The following CXADR variants were observed in gnomAD, a reference collection of about 807,000 sequenced individuals.
CXADR encodes the protein coxsackievirus and adenovirus receptor.
A neutral mutation model predicts 40.3 loss-of-function variants in CXADR; 20 were observed. The observed-to-expected ratio is 0.50, with a 90% CI of 0.35 to 0.72. The LOEUF (loss-of-function observed/expected upper bound fraction) is 0.72. Ranked by LOEUF, CXADR falls within the 30% of genes least tolerant of loss-of-function variation. The probability of loss-of-function intolerance (pLI) is 0.01; values close to 1 mark genes in which losing one functional copy is unlikely to be tolerated. For synonymous variants in CXADR, 150 were observed against 161.3 expected (o/e 0.93, Z 0.53); for missense variants, 332 against 449.1 (o/e 0.74, Z 2.36).
At position 17,567,234 on chromosome 21, in the gene CXADR, T is replaced by A. The variant is rs965225415; in HGVS notation, c.*1542T>A. The A allele has an allele frequency of 1.0e-6, 1 of 985,330 alleles. No homozygotes were observed. Among genetic ancestry groups the A allele is most frequent in the African/African-American group, 1.7e-5 (1 of 57,238 alleles). 61.0% of individuals were successfully genotyped at this position (985,330 alleles called of 1,614,324 possible). ...GGTGCTGTGGTGGTAAATGCTATAT[T>A]ATGAACGGTGGCATGTATTTACAGT... On this transcript the variant is annotated 3_prime_UTR_variant, in exon 7 of 7. Transcript: ENST00000284878.
Position 17,565,550 on chromosome 21 carries a change from A to G in CXADR, c.956A>G (p.Asn319Ser), listed in dbSNP as rs747210823. 1.2e-6 allele frequency: 2 copies of G among 1,613,730 alleles called. No individual in the cohort carries two copies. Among genetic ancestry groups the G allele is most frequent in the Non-Finnish European group, 8.5e-7 (1 of 1,179,848 alleles). ...GAAGGATATTCCAAGACTCAGTATA[A>G]CCAAGTACCAAGTGAAGACTTTGAA... Reference protein sequence around the residue: ...NMEGYSKTQYNQVPSEDFERT... With the variant: ...NMEGYSKTQYSQVPSEDFERT... Residue 319 changes from asparagine to serine, a missense_variant, in exon 7 of 7, where the codon AAC becomes AGC. Asn to Ser is a conservative substitution (Grantham distance 46). Transcript: ENST00000284878.
At position 17,528,240 on chromosome 21, in the gene CXADR, A is replaced by AT. The variant is rs535239026; in HGVS notation, c.43+15075dup. ...AGGTGCCTGCCACCTCACCCAGCTAATTTTTTTGTATTTTTAGTAAAGACG... is the reference window on the plus strand; with the variant it reads ...AGGTGCCTGCCACCTCACCCAGCTAATTTTTTTTGTATTTTTAGTAAAGACG... On this transcript the variant is annotated intron_variant, in intron 1 of 6. Coordinates refer to ENST00000284878, the MANE Select transcript of CXADR (RefSeq NM_001338.5). Among the ~76,000 whole-genome samples the AT allele has an allele frequency of 2.9e-4, 43 of 150,570 alleles. 1 individual carries two copies. In the South Asian group the frequency reaches 3.8e-3, roughly 13 times the overall value.
intron 1 of CXADR, among the ~76,000 whole-genome samples, chr21:17,545,469 C>G (rs1169092284): frequency 1.3e-5 from 2 of 152,018 alleles, no homozygotes; most frequent in African/African-American, 2.4e-5. Flanking sequence ...CTTTGTCACC[C>G]AGGCTGGAGG....
chr21:17,627,450 T>C, the CXADR span, among the ~76,000 whole-genome samples: 2 of 151,932 alleles, frequency 1.3e-5, no homozygotes, highest in Admixed American at 6.6e-5. Context: ...GATTGAGAGA[T>C]TGATGAAAGA....
intron 1 of CXADR, among the ~76,000 whole-genome samples, chr21:17,520,834 T>A (rs1417271555): frequency 2.0e-5 from 3 of 152,066 alleles, no homozygotes; most frequent in Non-Finnish European, 4.4e-5. Flanking sequence ...CTGGCTTGAG[T>A]GTATAATGAT....
rs187046726 is a variant in CXADR at position 17,516,653 on chromosome 21, C to T, written c.43+3481C>T. 3.4e-3 allele frequency among the ~76,000 whole-genome samples: 512 copies of T among 152,184 alleles called. 2 individuals are homozygous for T. The highest frequency in any genetic ancestry group is 5.2e-3 in the Non-Finnish European group (352 of 68,018). On this transcript the variant is annotated intron_variant, in intron 1 of 6. Transcript: ENST00000284878. ...GCCTCACTGTGTGTCTGTTGCCTTA[C>T]GTGTCAAGAATGGGGATCCTGGAGC...
the CXADR span, among the ~76,000 whole-genome samples, chr21:17,607,108 T>C: frequency 6.6e-6 from 1 of 152,214 alleles, no homozygotes; most frequent in Non-Finnish European, 1.5e-5. Flanking sequence ...CTATTTTTTC[T>C]ACTTCAAATA....
At chr21:17,604,119 C>T in the CXADR span, 10 of 1,282,238 alleles carry the variant, frequency 7.8e-6, no homozygotes, top group Non-Finnish European at 1.0e-5. Flanking sequence ...AAAAATAAAA[C>T]CACGAAGTAT....
intron 1 of CXADR, among the ~76,000 whole-genome samples, chr21:17,529,731 A>G (rs1354786408): frequency 1.3e-5 from 2 of 152,160 alleles, no homozygotes; most frequent in Non-Finnish European, 2.9e-5. Flanking sequence ...TCTAAAATTT[A>G]TTTTTAAGTA....
At chr21:17,620,307 T>C in the CXADR span, among the ~76,000 whole-genome samples, 1 of 152,158 alleles carries the variant, frequency 6.6e-6, no homozygotes, top group Non-Finnish European at 1.5e-5. Flanking sequence ...TTGTTGTGTC[T>C]CAGAAATGGA....
rs1487977533 is a variant in CXADR, at chr21:17,568,616, G to A, written c.*2924G>A. The A allele has an allele frequency of 3.1e-6, 3 of 973,336 alleles. No homozygotes were observed. Among genetic ancestry groups the A allele is most frequent in the East Asian group, 1.2e-4 (1 of 8,532 alleles). 60.3% of individuals were successfully genotyped at this position (973,336 alleles called of 1,614,324 possible). A position where few individuals can be genotyped will look rare whatever the true frequency, so the allele number is the denominator to read the frequency against. On this transcript the variant is annotated 3_prime_UTR_variant, in exon 7 of 7. Transcript: ENST00000284878. ...CTATTGCTCAGGCTGGTCTCAAACTGCTGGGCTCAGGAGATCCTCCTGCCT... is the reference window on the plus strand; with the variant it reads ...CTATTGCTCAGGCTGGTCTCAAACTACTGGGCTCAGGAGATCCTCCTGCCT...
chr21:17,579,008 T>A (rs1464452455), intron 7 of CXADR, among the ~76,000 whole-genome samples: 1 of 151,986 alleles, frequency 6.6e-6, no homozygotes, highest in Non-Finnish European at 1.5e-5. Context: ...TAAGACCCAA[T>A]ATAAAAGCTA....
the CXADR span, among the ~76,000 whole-genome samples, chr21:17,620,986 T>C: frequency 1.3e-3 from 194 of 152,308 alleles, no homozygotes; most frequent in Admixed American, 4.4e-3. Flanking sequence ...TATGTTATGG[T>C]TTTGAGGCAG....
the CXADR span, among the ~76,000 whole-genome samples, chr21:17,615,858 A>C: frequency 6.6e-6 from 1 of 152,242 alleles, no homozygotes; most frequent in African/African-American, 2.4e-5. Flanking sequence ...TGCAACTTAG[A>C]ATCAACAAAA....
chr21:17,635,543 G>T, the CXADR span, among the ~76,000 whole-genome samples: 1 of 151,964 alleles, frequency 6.6e-6, no homozygotes, highest in Non-Finnish European at 1.5e-5. Flanking sequence ...AATCACTTGG[G>T]CACTGCTCAA....
chr21:17,527,751 C>T (rs2060614814), intron 1 of CXADR, among the ~76,000 whole-genome samples: 1 of 151,652 alleles, frequency 6.6e-6, no homozygotes, highest in Non-Finnish European at 1.5e-5. Context: ...GACTTCTGCC[C>T]TTTGCTTATA....
At chr21:17,595,365 A>G (rs1294914947), downstream of CXADR, among the ~76,000 whole-genome samples, 1 of 151,880 alleles carries the variant, frequency 6.6e-6, no homozygotes, top group Admixed American at 6.6e-5. Context: ...AAAAAGTACA[A>G]AAGGGTAAAC....
intron 1 of CXADR, among the ~76,000 whole-genome samples, chr21:17,541,409 T>G (rs1260493091): frequency 6.6e-6 from 1 of 151,826 alleles, no homozygotes; most frequent in African/African-American, 2.4e-5. Flanking sequence ...AAAAAAAAAT[T>G]AGCCGGACGT....
chr21:17,521,766 T>C (rs188568661), intron 1 of CXADR, among the ~76,000 whole-genome samples: 3 of 152,302 alleles, frequency 2.0e-5, no homozygotes, highest in Non-Finnish European at 4.4e-5. Flanking sequence ...GGGGAGAAGG[T>C]AGAAGCCAGC....
Sources: gnomAD v4.1 joint callset for allele counts (sites outside exome capture counted in the v4.1 genomes callset) on GRCh38, gnomAD v4.1.1 for gene constraint, MANE v1.5 for transcripts, NCBI Gene and HGNC (gene_info 2026-07-23, HGNC 2026-07-21) for gene names.